DOK6: variants seen among roughly 807,000 people sequenced by gnomAD.
DOK6 encodes docking protein 6.
A neutral mutation model predicts 44.0 loss-of-function variants in DOK6; 22 were observed. That is an observed-to-expected ratio of 0.50 (90% CI 0.36 to 0.71). DOK6 has a LOEUF of 0.71. DOK6 is among the 30% of genes least tolerant of loss of function. The pLI is 0.00. For missense variants in DOK6, 340 were observed against 416.4 expected (o/e 0.82, Z 1.60); for synonymous variants, 166 against 145.5 (o/e 1.14, Z -1.01).
At chr18:69,666,803 T>A (rs1225330385) in intron 3 of DOK6, among the ~76,000 whole-genome samples, 2 of 152,206 alleles carry the variant, frequency 1.3e-5, no homozygotes, top group Non-Finnish European at 2.9e-5. Flanking sequence ...GGGTCACCTT[T>A]GGCAAAAGTT....
At chr18:69,770,554 C>T (rs1490926303) in intron 7 of DOK6, among the ~76,000 whole-genome samples, 1 of 151,976 alleles carries the variant, frequency 6.6e-6, no homozygotes, top group Non-Finnish European at 1.5e-5. Flanking sequence ...GTGTAAAGTC[C>T]GTGGTGTCCA....
chr18:69,664,302 A>G (rs1031837994), intron 3 of DOK6, among the ~76,000 whole-genome samples: 9 of 152,246 alleles, frequency 5.9e-5, no homozygotes, highest in Non-Finnish European at 8.8e-5. Context: ...CAATGAATGG[A>G]AAATTAATCT....
chr18:69,412,766 G>C (rs1978311799), intron 1 of DOK6, among the ~76,000 whole-genome samples: 1 of 152,132 alleles, frequency 6.6e-6, no homozygotes, highest in South Asian at 2.1e-4. Flanking sequence ...ATTATGAATG[G>C]TGAAGGTAGC....
chr18:69,821,257 A>G (rs554815673), intron 7 of DOK6, among the ~76,000 whole-genome samples: 2 of 152,166 alleles, frequency 1.3e-5, no homozygotes, highest in South Asian at 4.1e-4. Context: ...CCTGCATCAC[A>G]CTTCCTATGT....
At chr18:69,827,493 C>T (rs1981775180) in intron 7 of DOK6, among the ~76,000 whole-genome samples, 1 of 152,010 alleles carries the variant, frequency 6.6e-6, no homozygotes, top group African/African-American at 2.4e-5. Context: ...AGGCAAACTT[C>T]TTCTTTGGTA....
intron 3 of DOK6, among the ~76,000 whole-genome samples, chr18:69,620,293 T>C (rs149561942): frequency 6.6e-6 from 1 of 152,226 alleles, no homozygotes; most frequent in Admixed American, 6.5e-5. Context: ...TTCCTCCAGA[T>C]TGTATTTGTG....
At chr18:69,747,353 A>G (rs1599302724) in intron 6 of DOK6, among the ~76,000 whole-genome samples, 2 of 152,222 alleles carry the variant, frequency 1.3e-5, no homozygotes, top group East Asian at 3.8e-4. Context: ...ACAAATTAGC[A>G]TCAATGTTCA....
chr18:69,677,406 G>A (rs933931291), intron 3 of DOK6, among the ~76,000 whole-genome samples: 4 of 150,818 alleles, frequency 2.7e-5, no homozygotes, highest in African/African-American at 9.7e-5. Flanking sequence ...TGTAAAGCAT[G>A]ATGGCTAATT....
intron 1 of DOK6, among the ~76,000 whole-genome samples, chr18:69,552,950 T>C (rs958469659): frequency 2.0e-5 from 3 of 152,282 alleles, no homozygotes; most frequent in African/African-American, 7.2e-5. Context: ...TCTATCAAAA[T>C]GCTAGCAATA....
intron 1 of DOK6, among the ~76,000 whole-genome samples, chr18:69,414,328 A>G (rs1978319130): frequency 6.6e-6 from 1 of 152,074 alleles, no homozygotes; most frequent in South Asian, 2.1e-4. Context: ...AATTGAAGAT[A>G]AACCAGATGT....
chr18:69,837,200 G>A (rs919868792), intron 7 of DOK6, among the ~76,000 whole-genome samples: 1 of 152,140 alleles, frequency 6.6e-6, no homozygotes, highest in African/African-American at 2.4e-5. Flanking sequence ...GAAAAGAAAT[G>A]TATTTGTTAC....
intron 2 of DOK6, among the ~76,000 whole-genome samples, chr18:69,566,588 C>T (rs1002559430): frequency 3.3e-5 from 5 of 152,272 alleles, no homozygotes; most frequent in East Asian, 1.9e-4. Flanking sequence ...CACAGATGGG[C>T]GTGGAGTGTC....
chr18:69,811,935 T>C (rs1981251056), intron 7 of DOK6, among the ~76,000 whole-genome samples: 1 of 152,136 alleles, frequency 6.6e-6, no homozygotes, highest in South Asian at 2.1e-4. Flanking sequence ...ACATCTTCTC[T>C]GTGATATATA....
At chr18:69,682,098 G>T (rs1485014712) in intron 4 of DOK6, among the ~76,000 whole-genome samples, 2 of 152,164 alleles carry the variant, frequency 1.3e-5, no homozygotes, top group South Asian at 2.1e-4. Flanking sequence ...TGCTAGTGTT[G>T]TTTCTAAATT....
At chr18:69,629,038 A>AGT (rs1728700356) in intron 3 of DOK6, among the ~76,000 whole-genome samples, 1 of 152,238 alleles carries the variant, frequency 6.6e-6, no homozygotes, top group Non-Finnish European at 1.5e-5. Flanking sequence ...AGTAGCAAAA[A>AGT]GTGTCAATTT....
chr18:69,456,860 G>T (rs768819544), intron 1 of DOK6, among the ~76,000 whole-genome samples: 2 of 152,126 alleles, frequency 1.3e-5, no homozygotes, highest in South Asian at 4.1e-4. Flanking sequence ...GTGTGAAATG[G>T]TATCTCACTG....
intron 5 of DOK6, among the ~76,000 whole-genome samples, chr18:69,719,785 A>T (rs1378041070): frequency 1.3e-5 from 2 of 152,208 alleles, no homozygotes; most frequent in Non-Finnish European, 2.9e-5. Flanking sequence ...GTTAGAAGCA[A>T]ATATGGTGTC....
intron 5 of DOK6, among the ~76,000 whole-genome samples, chr18:69,736,981 C>G: frequency 6.6e-6 from 1 of 152,196 alleles, no homozygotes; most frequent in Non-Finnish European, 1.5e-5. Context: ...ATCCGTGGAC[C>G]ATGCTTTGAG....
chr18:69,451,003 T>C (rs1979447377), intron 1 of DOK6, among the ~76,000 whole-genome samples: 5 of 145,342 alleles, frequency 3.4e-5, no homozygotes, highest in Non-Finnish European at 7.6e-5. Flanking sequence ...CTGCATCAAC[T>C]AATGAGCAAA....
Sources: allele counts gnomAD v4.1 joint callset (sites outside exome capture counted in the v4.1 genomes callset), GRCh38; gene constraint gnomAD v4.1.1; transcripts MANE v1.5; gene names NCBI Gene and HGNC (gene_info 2026-07-23, HGNC 2026-07-21).